EDA: variants seen among roughly 807,000 people sequenced by gnomAD.
EDA encodes ectodysplasin A.
A neutral mutation model predicts 23.6 loss-of-function variants in EDA; 2 were observed. The ratio of observed to expected loss-of-function variants is 0.08; its 90% CI spans 0.03 to 0.27. The LOEUF is 0.27. Among genes scored for constraint, EDA ranks in the 10% least tolerant of loss-of-function variants. EDA has a pLI of 1.00. For synonymous variants in EDA, 131 were observed against 132.0 expected, an observed-to-expected ratio of 0.99 and a Z score of 0.05; for missense variants, 229 against 324.2, an observed-to-expected ratio of 0.71 and a Z score of 2.26.
intron 1 of EDA, among the ~76,000 whole-genome samples, chrX:69,773,595 GT>G (rs796834673): frequency 9.2e-5 from 10 of 108,730 alleles, no homozygotes; most frequent in African/African-American, 2.7e-4. Flanking sequence ...TTTTGTTGTT[GT>G]TTTTTTTTAA....
chrX:69,896,053 T>C (rs1187981894), intron 1 of EDA, among the ~76,000 whole-genome samples: 2 of 111,541 alleles, frequency 1.8e-5, no homozygotes, highest in Non-Finnish European at 3.8e-5. Context: ...ATCAGCAGGA[T>C]TGATTTCTTC....
intron 1 of EDA, chrX:69,729,308 C>T (rs1397927778): frequency 9.0e-6 from 1 of 111,296 alleles, no homozygotes; most frequent in African/African-American, 3.3e-5. Flanking sequence ...AACCTCTCCA[C>T]CTATGTACTA....
intron 1 of EDA, among the ~76,000 whole-genome samples, chrX:69,872,654 C>G (rs996479400): frequency 9.0e-6 from 1 of 111,325 alleles, no homozygotes; most frequent in African/African-American, 3.3e-5. Flanking sequence ...AAAGACAGAG[C>G]AACATTATAT....
At chrX:69,972,209 A>G (rs1473092955) in intron 2 of EDA, among the ~76,000 whole-genome samples, 1 of 111,604 alleles carries the variant, frequency 9.0e-6, no homozygotes, top group Admixed American at 9.6e-5. Flanking sequence ...TTATCATCAC[A>G]TATTTATTAT....
At chrX:69,877,507 GT>G (rs770782874) in intron 1 of EDA, among the ~76,000 whole-genome samples, 1 of 111,752 alleles carries the variant, frequency 8.9e-6, no homozygotes, top group East Asian at 2.8e-4. Flanking sequence ...GTTTAAACCT[GT>G]TACCCATTTT....
At chrX:69,742,160 C>A (rs1450691769) in intron 1 of EDA, among the ~76,000 whole-genome samples, 1 of 111,729 alleles carries the variant, frequency 9.0e-6, no homozygotes, top group Non-Finnish European at 1.9e-5. Context: ...GTATTCTTGG[C>A]CATCCATGCC....
At position 69,894,683 on chromosome X, in the gene EDA, G is replaced by A. The variant is rs771930951; in HGVS notation, c.397-62344G>A. 9.9e-5 allele frequency among the ~76,000 whole-genome samples: 11 copies of A among 111,267 alleles called. No homozygotes were observed. In the South Asian group the frequency reaches 3.8e-3, roughly 38 times the overall value. ...TTTTGTGGCTATTGTGAGTGGGATT[G>A]CATTCTTGATTTTGTTCTCAGCTTG... On this transcript the variant is annotated intron_variant, in intron 1 of 7. Transcript: ENST00000374552.
chrX:69,691,629 A>G (rs958322669), intron 1 of EDA, among the ~76,000 whole-genome samples: 3 of 111,620 alleles, frequency 2.7e-5, no homozygotes, highest in African/African-American at 9.7e-5. Flanking sequence ...TATTATTTTC[A>G]TCTTTTTCTC....
intron 1 of EDA, among the ~76,000 whole-genome samples, chrX:69,708,718 T>TA (rs954409093): frequency 3.6e-5 from 4 of 111,151 alleles, no homozygotes; most frequent in African/African-American, 1.3e-4. Context: ...AAGTTCCTGT[T>TA]ACCTGCTCCC....
intron 2 of EDA, among the ~76,000 whole-genome samples, chrX:70,004,935 A>T (rs1216361816): frequency 9.0e-6 from 1 of 111,568 alleles, no homozygotes. Context: ...TACAAAAAAT[A>T]GTTTTAAAAA....
intron 1 of EDA, among the ~76,000 whole-genome samples, chrX:69,889,178 C>T (rs1213211706): frequency 9.5e-6 from 1 of 105,229 alleles, no homozygotes; most frequent in Non-Finnish European, 1.9e-5. Context: ...GACAGGGTCT[C>T]ATTCTGTTTC....
intron 1 of EDA, among the ~76,000 whole-genome samples, chrX:69,906,244 A>T (rs1290837315): frequency 8.9e-6 from 1 of 111,999 alleles, no homozygotes; most frequent in Non-Finnish European, 1.9e-5. Flanking sequence ...TGAGTTCAAA[A>T]ATTTCTTACG....
chrX:69,802,435 A>G (rs1602423677), intron 1 of EDA, among the ~76,000 whole-genome samples: 1 of 110,671 alleles, frequency 9.0e-6, no homozygotes, highest in East Asian at 2.8e-4. Context: ...TGGGCAAGAA[A>G]GGGCAAGGTG....
intron 1 of EDA, among the ~76,000 whole-genome samples, chrX:69,863,717 G>A (rs1046462610): frequency 1.9e-5 from 2 of 106,839 alleles, no homozygotes; most frequent in East Asian, 5.9e-4. Flanking sequence ...GGGCATATAT[G>A]TATATACATA....
At chrX:69,815,486 C>A (rs931404888) in intron 1 of EDA, among the ~76,000 whole-genome samples, 1 of 110,643 alleles carries the variant, frequency 9.0e-6, no homozygotes, top group Non-Finnish European at 1.9e-5. Context: ...CTCAGCCGTT[C>A]CAGCCTGCTG....
At chrX:69,701,582 A>G (rs2011534692) in intron 1 of EDA, among the ~76,000 whole-genome samples, 2 of 111,210 alleles carry the variant, frequency 1.8e-5, no homozygotes, top group African/African-American at 6.5e-5. Context: ...TTGTTGTAGG[A>G]TTTGAGGGCC....
At chrX:69,974,512 G>A (rs1389504067) in intron 2 of EDA, among the ~76,000 whole-genome samples, 1 of 110,066 alleles carries the variant, frequency 9.1e-6, no homozygotes, top group Non-Finnish European at 1.9e-5. Context: ...GGGAAAGAAT[G>A]TATGACTAAG....
chrX:69,863,231 A>G (rs978339460), intron 1 of EDA, among the ~76,000 whole-genome samples: 1 of 109,195 alleles, frequency 9.2e-6, no homozygotes, highest in Non-Finnish European at 1.9e-5. Context: ...ACCTCCAGAT[A>G]CTGATATTTG....
At chrX:69,944,559 G>A (rs1407826038) in intron 1 of EDA, among the ~76,000 whole-genome samples, 1 of 111,730 alleles carries the variant, frequency 9.0e-6, no homozygotes, top group Non-Finnish European at 1.9e-5. Flanking sequence ...GCAAGACAAA[G>A]TCCTCTTTAT....
Sources: allele counts gnomAD v4.1 joint callset (sites outside exome capture counted in the v4.1 genomes callset), GRCh38; gene constraint gnomAD v4.1.1; transcripts MANE v1.5; gene names NCBI Gene and HGNC (gene_info 2026-07-23, HGNC 2026-07-21).